Variants in EYS observed in about 807,000 individuals in gnomAD.
EYS encodes EGF-like photoreceptor maintenance factor, also known as protein eyes shut homolog.
Under a neutral mutation model 282.1 loss-of-function variants are expected in EYS, and 250 were observed. That is an observed-to-expected ratio of 0.89 (90% confidence interval 0.80 to 0.98). The LOEUF (loss-of-function observed/expected upper bound fraction) is 0.98. Ranked by LOEUF, EYS falls within the 50% of genes least tolerant of loss-of-function variation. EYS has a pLI of 0.00. For synonymous variants in EYS, 1,355 were observed against 1,282.9 expected (o/e 1.06, Z -1.20); for missense variants, 4,016 against 3,709.0 (o/e 1.08, Z -2.15).
chr6:63,908,929 T>C (rs1562091088), intron 35 of EYS, among the ~76,000 whole-genome samples: 2 of 152,118 alleles, frequency 1.3e-5, no homozygotes. Flanking sequence ...CTACTAAACC[T>C]AAGACTGTTT....
At chr6:65,323,739 T>C (rs1179392673) in intron 11 of EYS, among the ~76,000 whole-genome samples, 6 of 131,354 alleles carry the variant, frequency 4.6e-5, no homozygotes, top group African/African-American at 1.7e-4. Context: ...TGAGCCACCA[T>C]GATCTTTTTT....
chr6:65,074,369 G>A (rs951981303), intron 12 of EYS, among the ~76,000 whole-genome samples: 12 of 151,808 alleles, frequency 7.9e-5, no homozygotes, highest in Non-Finnish European at 2.9e-5. Flanking sequence ...AATGAATTCC[G>A]TGCAGCCCTG....
At chr6:65,450,142 C>G (rs189645403) in intron 5 of EYS, among the ~76,000 whole-genome samples, 1 of 152,074 alleles carries the variant, frequency 6.6e-6, no homozygotes, top group African/African-American at 2.4e-5. Context: ...GAAAACAAAC[C>G]AGGTTTTTGT....
At chr6:64,756,834 ACAAAT>A (rs1253555247) in intron 22 of EYS, among the ~76,000 whole-genome samples, 1 of 151,998 alleles carries the variant, frequency 6.6e-6, no homozygotes, top group Non-Finnish European at 1.5e-5. Flanking sequence ...AATAACAATA[ACAAAT>A]CAAAGTCAAA....
At chr6:64,635,527 C>T (rs1767945333) in intron 22 of EYS, among the ~76,000 whole-genome samples, 1 of 152,148 alleles carries the variant, frequency 6.6e-6, no homozygotes, top group Non-Finnish European at 1.5e-5. Context: ...GAGTTTTTAG[C>T]ATGAAGTAGT....
At position 64,066,373 on chromosome 6, in the gene EYS, G is replaced by A. The variant is rs1771370327; in HGVS notation, c.6690C>T (p.Ser2230=). 6.4e-7 allele frequency: 1 copy of A among 1,551,562 alleles called. No individual in the cohort carries two copies. The highest frequency in any genetic ancestry group is 2.4e-5 in the East Asian group (1 of 40,900). Residue 2230 remains serine, a synonymous_variant, in exon 33 of 43, where the codon AGC becomes AGT. Transcript: ENST00000503581. ...QNILTVSANY[S]INTNAFTPIT... ...TAGGGGTGAATGCATTTGTGTTAAT[G>A]CTGTAATTAGCAGAAACAGTCAAAA...
At chr6:64,257,138 C>A (rs952992561) in intron 30 of EYS, among the ~76,000 whole-genome samples, 6 of 151,986 alleles carry the variant, frequency 3.9e-5, no homozygotes, top group African/African-American at 1.4e-4. Flanking sequence ...TCTTTCTCTA[C>A]TCTTTATTCT....
chr6:64,415,529 G>A (rs1261562697), intron 28 of EYS, among the ~76,000 whole-genome samples: 1 of 152,126 alleles, frequency 6.6e-6, no homozygotes, highest in Non-Finnish European at 1.5e-5. Flanking sequence ...AGCATGCTCT[G>A]CCTGTATCAC....
At chr6:63,876,989 G>A (rs1422778992) in intron 35 of EYS, among the ~76,000 whole-genome samples, 1 of 152,164 alleles carries the variant, frequency 6.6e-6, no homozygotes, top group Non-Finnish European at 1.5e-5. Context: ...ATATTGTTAT[G>A]TGTGAATTTG....
At chr6:64,024,357 ACT>A (rs1331009381) in intron 33 of EYS, among the ~76,000 whole-genome samples, 2 of 151,754 alleles carry the variant, frequency 1.3e-5, no homozygotes, top group Non-Finnish European at 2.9e-5. Flanking sequence ...GTGTGGTGAC[ACT>A]CTGTATCTAG....
intron 41 of EYS, among the ~76,000 whole-genome samples, chr6:63,750,314 C>A (rs1444768210): frequency 6.6e-6 from 1 of 152,048 alleles, no homozygotes; most frequent in Non-Finnish European, 1.5e-5. Flanking sequence ...TCTGCTGTTT[C>A]TTTGTATGCC....
At chr6:65,006,985 G>T (rs1422601031) in intron 13 of EYS, among the ~76,000 whole-genome samples, 1 of 152,180 alleles carries the variant, frequency 6.6e-6, no homozygotes, top group African/African-American at 2.4e-5. Context: ...CTGGGTTGTT[G>T]TGAAATACTC....
chr6:63,969,262 G>C (rs1766444145), intron 35 of EYS, among the ~76,000 whole-genome samples: 1 of 152,158 alleles, frequency 6.6e-6, no homozygotes, highest in Non-Finnish European at 1.5e-5. Flanking sequence ...AAACTGACCT[G>C]AGTATGGATG....
intron 31 of EYS, among the ~76,000 whole-genome samples, chr6:64,207,296 G>A (rs1765637975): frequency 6.6e-6 from 1 of 151,828 alleles, no homozygotes; most frequent in Non-Finnish European, 1.5e-5. Flanking sequence ...CTTCCACCAT[G>A]GGATAACGTA....
intron 40 of EYS, among the ~76,000 whole-genome samples, chr6:63,766,902 A>T (rs868834998): frequency 1.6e-4 from 25 of 152,060 alleles, no homozygotes; most frequent in African/African-American, 5.8e-4. Context: ...TATAAGCTTT[A>T]TTCCTGGGAT....
chr6:64,032,342 TG>T (rs1196008639), intron 33 of EYS, among the ~76,000 whole-genome samples: 7 of 152,188 alleles, frequency 4.6e-5, no homozygotes, highest in African/African-American at 1.7e-4. Context: ...GTATCTTACA[TG>T]GTTTTGATTT....
At chr6:64,678,212 T>C (rs1039838877) in intron 22 of EYS, among the ~76,000 whole-genome samples, 1 of 152,042 alleles carries the variant, frequency 6.6e-6, no homozygotes, top group Non-Finnish European at 1.5e-5. Flanking sequence ...CCTCAAAATA[T>C]ATTGTACTTA....
chr6:65,549,465 T>C (rs6937452), intron 2 of EYS, among the ~76,000 whole-genome samples: 83,489 of 151,934 alleles, frequency 0.55, 22,976 homozygotes, highest in East Asian at 0.71. Flanking sequence ...TTTATGAGAC[T>C]ACACCTCTGC....
intron 8 of EYS, among the ~76,000 whole-genome samples, chr6:65,372,848 C>T (rs9445532): frequency 0.032 from 4,836 of 151,894 alleles, 242 homozygotes; most frequent in African/African-American, 0.11. Context: ...AAGGTTCTGA[C>T]CTACAGGGTT....
Sources: allele counts gnomAD v4.1 joint callset (sites outside exome capture counted in the v4.1 genomes callset), GRCh38; gene constraint gnomAD v4.1.1; transcripts MANE v1.5; gene names NCBI Gene and HGNC (gene_info 2026-07-23, HGNC 2026-07-21).